ARHGAP10: variants seen among roughly 807,000 people sequenced by gnomAD.
ARHGAP10 encodes rho GTPase-activating protein 10.
In ARHGAP10, 87 loss-of-function variants were observed where a neutral mutation model predicts 108.6. The observed-to-expected ratio is 0.80, with a 90% CI of 0.67 to 0.96. The LOEUF is 0.96. Among genes scored for constraint, ARHGAP10 ranks in the 40% least tolerant of loss-of-function variants. The probability of loss-of-function intolerance (pLI) is 0.00; values close to 1 mark genes in which losing one functional copy is unlikely to be tolerated. For synonymous variants in ARHGAP10, 347 were observed against 341.1 expected (o/e 1.02, Z -0.19); for missense variants, 939 against 954.5 (o/e 0.98, Z 0.21).
Position 147,993,921 on chromosome 4 carries a change from C to T in ARHGAP10, c.1716+27082C>T, listed in dbSNP as rs114442693. On this transcript the variant is annotated intron_variant, in intron 18 of 22. Transcript: ENST00000336498. ...TGGGCAAGCTCTAGTTCATGCAAAC[C>T]GTGAATCAACAGCCAACCCTGAAAG... is the stretch of plus-strand genomic sequence containing the variant. Among the ~76,000 whole-genome samples the T allele has an allele frequency of 7.4e-3, 1,122 of 152,286 alleles. 9 individuals carry two copies. Among genetic ancestry groups the T allele is most frequent in the African/African-American group, 0.019 (774 of 41,550 alleles).
intron 14 of ARHGAP10, among the ~76,000 whole-genome samples, chr4:147,946,081 G>A (rs1390548357): frequency 6.6e-6 from 1 of 152,116 alleles, no homozygotes; most frequent in Non-Finnish European, 1.5e-5. Flanking sequence ...TTAAAAGACC[G>A]AAATTTTTAC....
At chr4:147,979,520 T>C (rs939722336) in intron 18 of ARHGAP10, among the ~76,000 whole-genome samples, 2 of 152,202 alleles carry the variant, frequency 1.3e-5, no homozygotes, top group African/African-American at 2.4e-5. Context: ...GTTGAGGCTT[T>C]TTTTTTCATT....
chr4:147,844,857 T>A (rs1185313614), intron 3 of ARHGAP10, among the ~76,000 whole-genome samples: 2 of 152,194 alleles, frequency 1.3e-5, no homozygotes, highest in Non-Finnish European at 2.9e-5. Flanking sequence ...CATCTCTCCC[T>A]CAGCAGCCAG....
chr4:147,826,379 A>G (rs1015220749), intron 3 of ARHGAP10, among the ~76,000 whole-genome samples: 2 of 152,186 alleles, frequency 1.3e-5, no homozygotes, highest in African/African-American at 4.8e-5. Context: ...TTGGGTTCCC[A>G]TGCAGGGTAG....
At chr4:147,848,714 G>A (rs1733733723) in intron 4 of ARHGAP10, among the ~76,000 whole-genome samples, 1 of 152,182 alleles carries the variant, frequency 6.6e-6, no homozygotes, top group Non-Finnish European at 1.5e-5. Context: ...AATTGAGTGC[G>A]AGTGAATATA....
chr4:147,982,876 ACTTT>A (rs1302048591), intron 18 of ARHGAP10, among the ~76,000 whole-genome samples: 2 of 150,078 alleles, frequency 1.3e-5, no homozygotes, highest in Admixed American at 6.6e-5. Flanking sequence ...ATACTTACTT[ACTTT>A]CTTTTTTTTC....
intron 3 of ARHGAP10, among the ~76,000 whole-genome samples, chr4:147,833,787 G>A (rs983844326): frequency 3.3e-5 from 5 of 152,098 alleles, no homozygotes; most frequent in African/African-American, 1.2e-4. Flanking sequence ...ACAGTTGGTG[G>A]TGATTAGATT....
intron 19 of ARHGAP10, among the ~76,000 whole-genome samples, chr4:148,043,972 C>G (rs934528912): frequency 1.4e-4 from 22 of 151,992 alleles, no homozygotes; most frequent in Non-Finnish European, 2.6e-4. Context: ...GTGATTCTCT[C>G]AAGTAGGTAA....
chr4:147,986,563 A>G (rs977789315), intron 18 of ARHGAP10, among the ~76,000 whole-genome samples: 4 of 152,154 alleles, frequency 2.6e-5, no homozygotes, highest in African/African-American at 9.7e-5. Context: ...TACTGCTTTT[A>G]GTGTGCTGTC....
intron 20 of ARHGAP10, among the ~76,000 whole-genome samples, chr4:148,060,345 GTT>G (rs75224309): frequency 1.5e-5 from 2 of 135,068 alleles, no homozygotes; most frequent in Non-Finnish European, 3.2e-5. Context: ...CTCATGTTTA[GTT>G]TTTTTTTTTT....
chr4:147,790,956 A>G (rs778619076), intron 1 of ARHGAP10, among the ~76,000 whole-genome samples: 60 of 152,116 alleles, frequency 3.9e-4, no homozygotes, highest in Non-Finnish European at 7.8e-4. Context: ...CCATTCTATA[A>G]GTAACCACTA....
At chr4:147,878,386 C>T (rs1043577880) in intron 8 of ARHGAP10, among the ~76,000 whole-genome samples, 27 of 152,070 alleles carry the variant, frequency 1.8e-4, no homozygotes, top group African/African-American at 5.8e-4. Flanking sequence ...TGAGCCACTG[C>T]GCCTGGCCCA....
chr4:147,734,783 G>T (rs1471260231), intron 1 of ARHGAP10, among the ~76,000 whole-genome samples: 1 of 152,164 alleles, frequency 6.6e-6, no homozygotes, highest in Non-Finnish European at 1.5e-5. Context: ...TAGGTAAATG[G>T]TTCATCTAAC....
chr4:147,756,176 A>C (rs1729366559), intron 1 of ARHGAP10, among the ~76,000 whole-genome samples: 1 of 151,754 alleles, frequency 6.6e-6, no homozygotes, highest in Non-Finnish European at 1.5e-5. Flanking sequence ...TCTGTATCCA[A>C]GGCTTTCCCA....
intron 1 of ARHGAP10, among the ~76,000 whole-genome samples, chr4:147,802,864 TGTG>T (rs1238083583): frequency 6.6e-6 from 1 of 152,248 alleles, no homozygotes; most frequent in East Asian, 1.9e-4. Context: ...CCCTTCAAAA[TGTG>T]GTCCTCCAAA....
At chr4:147,958,265 T>A (rs1426055025) in intron 16 of ARHGAP10, among the ~76,000 whole-genome samples, 1 of 152,106 alleles carries the variant, frequency 6.6e-6, no homozygotes, top group African/African-American at 2.4e-5. Flanking sequence ...AGGGTTGGAG[T>A]CATGGTGCTT....
chr4:147,762,630 C>T (rs1051880324), intron 1 of ARHGAP10, among the ~76,000 whole-genome samples: 1 of 151,340 alleles, frequency 6.6e-6, no homozygotes, highest in Non-Finnish European at 1.5e-5. Context: ...CCCGGGTTCA[C>T]GCCATTCTCC....
intron 15 of ARHGAP10, among the ~76,000 whole-genome samples, chr4:147,951,708 C>G (rs1738608434): frequency 6.6e-6 from 1 of 152,008 alleles, no homozygotes; most frequent in South Asian, 2.1e-4. Context: ...CCACCTTGGC[C>G]TCCCAAAGCA....
chr4:148,045,720 A>G (rs1728846476), intron 19 of ARHGAP10, among the ~76,000 whole-genome samples: 1 of 141,584 alleles, frequency 7.1e-6, no homozygotes, highest in South Asian at 2.5e-4. Flanking sequence ...CCTGGGCAGC[A>G]AGAACGAAAC....
Sources: gnomAD v4.1 joint callset for allele counts (sites outside exome capture counted in the v4.1 genomes callset) on GRCh38, gnomAD v4.1.1 for gene constraint, MANE v1.5 for transcripts, NCBI Gene and HGNC (gene_info 2026-07-23, HGNC 2026-07-21) for gene names.